Variants in OTULIN observed in about 807,000 individuals in gnomAD.
OTULIN encodes OTU deubiquitinase with linear linkage specificity.
OTULIN carries 15 observed loss-of-function variants against 39.6 expected under a neutral mutation model. The observed-to-expected ratio is 0.38, with a 90% CI of 0.25 to 0.58. The LOEUF (loss-of-function observed/expected upper bound fraction) is 0.58, where lower values mean the gene tolerates loss of function less well. OTULIN is among the 20% of genes least tolerant of loss of function. OTULIN has a pLI of 0.66. For synonymous variants in OTULIN, 156 were observed against 170.3 expected (o/e 0.92, Z 0.65); for missense variants, 319 against 445.9 (o/e 0.72, Z 2.56).
At chr5:14,681,646 A>G in intron 4 of OTULIN, 39 bp downstream of exon 4, 1 of 1,578,212 alleles carries the variant, frequency 6.3e-7, no homozygotes, top group Non-Finnish European at 8.6e-7. Flanking sequence ...AAATGTTTCA[A>G]ACAATTTTTG....
At chr5:14,672,442 C>G (rs1211387797) in intron 1 of OTULIN, among the ~76,000 whole-genome samples, 2 of 152,024 alleles carry the variant, frequency 1.3e-5, no homozygotes, top group Non-Finnish European at 2.9e-5. Context: ...GGCCATATAC[C>G]AGGAGCTGGG....
the OTULIN span, chr5:14,710,708 AC>A: frequency 5.5e-6 from 1 of 181,658 alleles, no homozygotes; most frequent in African/African-American, 2.4e-5. Flanking sequence ...TTAAGAGGCC[AC>A]CGGGGCTCCA....
the OTULIN span, among the ~76,000 whole-genome samples, chr5:14,713,988 C>T: frequency 4.5e-3 from 680 of 152,366 alleles, 3 homozygotes; most frequent in African/African-American, 0.015. This position sits in a 1 kb window ranked among gnomAD's most constrained non-coding sequence, Gnocchi z 4.4. Context: ...TGGCCAGCCT[C>T]GCCCTCTGAT....
chr5:14,713,038 C>G, the OTULIN span: 1 of 1,477,598 alleles, frequency 6.8e-7, no homozygotes, highest in Admixed American at 1.9e-5. The surrounding 1 kb of genome is among the most constrained non-coding windows in gnomAD (Gnocchi z 4.4). Flanking sequence ...CCGTCGATGC[C>G]AAAACCCAGG....
chr5:14,708,500 C>T, the OTULIN span: 1 of 152,118 alleles, frequency 6.6e-6, no homozygotes, highest in African/African-American at 2.4e-5. Flanking sequence ...AAAAGTTGCC[C>T]CAATGACTCT....
rs371959714 is a variant in OTULIN at position 14,681,578 on chromosome 5, C to T, written c.439C>T (p.Pro147Ser). 1,153 of 1,613,966 alleles carry T rather than the reference C, an allele frequency of 7.1e-4. 19 individuals are homozygous for T. The South Asian group carries it at 0.012, about 16-fold the overall frequency. ...CATGAGCCAGGCTGTGGGGCTGCCGCCCTGGCTGCAGGACCCGGAGCTCAT... is the reference window on the plus strand; with the variant it reads ...CATGAGCCAGGCTGTGGGGCTGCCGTCCTGGCTGCAGGACCCGGAGCTCAT... ...QAMSQAVGLP[P>S]WLQDPELMLL... The change falls in exon 4 of 7, where the codon CCC (proline) becomes TCC (serine). Residue 147 changes from proline to serine, a missense_variant. This residue lies in a region of OTULIN where 27 missense variants were observed against 58.8 expected (regional missense o/e 0.46). Transcript: ENST00000284274.
intron 5 of OTULIN, 49 bp downstream of exon 5, chr5:14,687,695 T>A: frequency 2.6e-6 from 4 of 1,529,212 alleles, no homozygotes; most frequent in Non-Finnish European, 3.5e-6. Flanking sequence ...CTCTCGTTCT[T>A]GCTTGCCCCA....
chr5:14,691,216 A>T (rs1036011976), intron 6 of OTULIN, among the ~76,000 whole-genome samples: 1 of 152,234 alleles, frequency 6.6e-6, no homozygotes, highest in African/African-American at 2.4e-5. Flanking sequence ...AAGGCTGTTC[A>T]TCAAAGTGCC....
the OTULIN span, among the ~76,000 whole-genome samples, chr5:14,715,169 T>C: frequency 6.6e-6 from 1 of 152,244 alleles, no homozygotes; most frequent in African/African-American, 2.4e-5. Flanking sequence ...TTCACTCTTA[T>C]TGCAGAGGCT....
chr5:14,666,107 T>A (rs1278896011), intron 1 of OTULIN, among the ~76,000 whole-genome samples: 1 of 152,226 alleles, frequency 6.6e-6, no homozygotes, highest in Non-Finnish European at 1.5e-5. Context: ...TTTGCCTGCC[T>A]TCTACCCTGG....
chr5:14,673,483 T>G (rs756625992), intron 1 of OTULIN, among the ~76,000 whole-genome samples, 159 bp from the exon 2 acceptor site: 1 of 152,254 alleles, frequency 6.6e-6, no homozygotes, highest in Non-Finnish European at 1.5e-5. Flanking sequence ...AGCATCTTTA[T>G]TCTTAAGATA....
At chr5:14,687,676 AG>A in intron 5 of OTULIN, 30 bp downstream of exon 5, 1 of 1,564,358 alleles carries the variant, frequency 6.4e-7, no homozygotes, top group Non-Finnish European at 8.6e-7. Flanking sequence ...CTGTCTGATA[AG>A]GGTGAAGCTC....
At chr5:14,676,979 T>G (rs1386659835) in intron 2 of OTULIN, among the ~76,000 whole-genome samples, 1 of 152,216 alleles carries the variant, frequency 6.6e-6, no homozygotes, top group African/African-American at 2.4e-5. Flanking sequence ...CTGCTTCACT[T>G]TTAAGTGAAT....
chr5:14,711,502 C>T, the OTULIN span, among the ~76,000 whole-genome samples: 1 of 152,050 alleles, frequency 6.6e-6, no homozygotes, highest in African/African-American at 2.4e-5. Flanking sequence ...TGTCTGTGTG[C>T]CTGCTGTGTG....
chr5:14,700,232 G>T (rs1736769139), downstream of OTULIN, among the ~76,000 whole-genome samples: 1 of 152,196 alleles, frequency 6.6e-6, no homozygotes, highest in Admixed American at 6.5e-5. Context: ...AGGAAAGGCG[G>T]ACCAAGGGGT....
rs1260262796 is a variant in OTULIN at position 14,690,164 on chromosome 5, C to A, written c.720C>A (p.Ala240=). Reference sequence around the variant, plus strand: ...TAAAATTTCTAATGCTAAACAGAGCCATTGAACTATATAATGATAAAGAGA... The same window carrying A: ...TAAAATTTCTAATGCTAAACAGAGCAATTGAACTATATAATGATAAAGAGA... The part of the protein sequence containing the change: ...EAVKFLMLNR[A]IELYNDKEKG... The change falls in exon 6 of 7, where the codon GCC becomes GCA. Residue 240 remains alanine, a synonymous_variant. Transcript: ENST00000284274. The surrounding 1 kb of genome is among the most constrained non-coding windows in gnomAD (Gnocchi z 4.5). 2 of 1,613,980 alleles carry A rather than the reference C, an allele frequency of 1.2e-6. No homozygotes were observed. Among genetic ancestry groups the A allele is most frequent in the Non-Finnish European group, 1.7e-6 (2 of 1,180,036 alleles).
At chr5:14,685,734 A>G (rs1227779835) in intron 4 of OTULIN, among the ~76,000 whole-genome samples, 1 of 152,194 alleles carries the variant, frequency 6.6e-6, no homozygotes, top group Non-Finnish European at 1.5e-5. Context: ...AGATAACTGT[A>G]TCATGTCCCC....
chr5:14,709,792 G>T, the OTULIN span: 1 of 152,636 alleles, frequency 6.6e-6, no homozygotes, highest in East Asian at 1.9e-4. Context: ...CTGCAGGTAT[G>T]TTGAGCACAC....
chr5:14,684,718 C>T (rs1736342266), intron 4 of OTULIN, among the ~76,000 whole-genome samples: 1 of 152,208 alleles, frequency 6.6e-6, no homozygotes, highest in Non-Finnish European at 1.5e-5. Flanking sequence ...ATGTTGCTGT[C>T]TTCTCTGTCT....
Sources: allele counts gnomAD v4.1 joint callset (sites outside exome capture counted in the v4.1 genomes callset), GRCh38; gene constraint gnomAD v4.1.1; regional missense constraint gnomAD v4.1.1; non-coding constraint Gnocchi (gnomAD v3.1); transcripts MANE v1.5; gene names NCBI Gene and HGNC (gene_info 2026-07-23, HGNC 2026-07-21).